ST3GAL1: variants seen among roughly 807,000 people sequenced by gnomAD.
ST3GAL1 encodes CMP-N-acetylneuraminate-beta-galactosamide-alpha-2,3-sialyltransferase 1.
Under a neutral mutation model 34.1 loss-of-function variants are expected in ST3GAL1, and 16 were observed. The ratio of observed to expected loss-of-function variants is 0.47; its 90% CI spans 0.32 to 0.71. ST3GAL1 has a LOEUF of 0.71. Among genes scored for constraint, ST3GAL1 ranks in the 30% least tolerant of loss-of-function variants. The probability of loss-of-function intolerance (pLI) is 0.04; values close to 1 mark genes in which losing one functional copy is unlikely to be tolerated. For missense variants in ST3GAL1, 353 were observed against 447.4 expected, an observed-to-expected ratio of 0.79 and a Z score of 1.90; for synonymous variants, 191 against 184.7, an observed-to-expected ratio of 1.03 and a Z score of -0.28.
intron 1 of ST3GAL1, among the ~76,000 whole-genome samples, chr8:133,558,553 T>A (rs910272138): frequency 2.0e-5 from 3 of 152,196 alleles, no homozygotes; most frequent in Non-Finnish European, 4.4e-5. Flanking sequence ...TGACACTATT[T>A]AAGTGTGCAA....
At chr8:133,462,137 T>C in intron 8 of ST3GAL1, 143 bp from the exon 9 acceptor site, 1 of 1,262,006 alleles carries the variant, frequency 7.9e-7, no homozygotes, top group Non-Finnish European at 1.1e-6. Context: ...GCTTCCATGC[T>C]CGTAGGAAAG....
At chr8:133,563,581 G>A (rs1227336037) in intron 1 of ST3GAL1, among the ~76,000 whole-genome samples, 4 of 151,534 alleles carry the variant, frequency 2.6e-5, no homozygotes, top group Non-Finnish European at 4.4e-5. Context: ...TGTGGCAACC[G>A]TGGCATGGCG....
chr8:133,463,708 A>G (rs543209580), intron 7 of ST3GAL1, among the ~76,000 whole-genome samples: 3 of 152,168 alleles, frequency 2.0e-5, no homozygotes, highest in South Asian at 4.1e-4. Flanking sequence ...CCATTCCCCA[A>G]AAAGGTGAGG....
At chr8:133,476,159 A>T (rs1816169120) in intron 4 of ST3GAL1, 85 bp from the exon 5 acceptor site, 1 of 997,692 alleles carries the variant, frequency 1.0e-6, no homozygotes, top group East Asian at 2.7e-5. Context: ...GGAGGACACA[A>T]GGGCCGCTAA....
intron 5 of ST3GAL1, among the ~76,000 whole-genome samples, chr8:133,470,702 G>C (rs1157571945): frequency 6.6e-6 from 1 of 152,198 alleles, no homozygotes; most frequent in Non-Finnish European, 1.5e-5. Flanking sequence ...AGCAAGGCAG[G>C]AGAAGGAAGG....
rs1306653075 is a variant in ST3GAL1, at chr8:133,570,353, C to A, written c.-582+1340G>T. The stretch of plus-strand genomic sequence containing the variant: ...CAGGGACGCGGCGAGCCAGTCACTG[C>A]CCTCAGGGTCACGGCTGACTCCCTC... On this transcript the variant is annotated intron_variant, in intron 1 of 9. Transcript: ENST00000522652. This position sits in a 1 kb window ranked among gnomAD's most constrained non-coding sequence, Gnocchi z 5.6. The A allele has an allele frequency of 2.0e-5, 3 of 152,294 alleles. No homozygotes were observed. The highest frequency in any genetic ancestry group is 2.9e-5 in the Non-Finnish European group (2 of 68,088). 9.4% of individuals were successfully genotyped at this position (152,294 alleles called of 1,614,324 possible).
chr8:133,484,583 TGA>T (rs1816508763), intron 3 of ST3GAL1, among the ~76,000 whole-genome samples: 1 of 152,318 alleles, frequency 6.6e-6, no homozygotes, highest in African/African-American at 2.4e-5. Context: ...CTCTGGAAGC[TGA>T]GTGTGTGGAA....
At chr8:133,510,691 G>T (rs748842865) in intron 2 of ST3GAL1, among the ~76,000 whole-genome samples, 11 of 152,108 alleles carry the variant, frequency 7.2e-5, no homozygotes, top group Admixed American at 7.2e-4. Context: ...AAAATTTAAA[G>T]CACCGTTCCT....
intron 2 of ST3GAL1, among the ~76,000 whole-genome samples, chr8:133,539,367 G>A (rs540091615): frequency 3.3e-5 from 5 of 152,294 alleles, no homozygotes; most frequent in East Asian, 1.9e-4. Flanking sequence ...AGGCACTCTC[G>A]CTGACACTGC....
chr8:133,514,311 G>C (rs977815037), intron 2 of ST3GAL1, among the ~76,000 whole-genome samples: 2 of 152,266 alleles, frequency 1.3e-5, no homozygotes, highest in Non-Finnish European at 2.9e-5. Flanking sequence ...CTGGCCACAG[G>C]CATTGGGTAC....
rs1299790632 is a variant in ST3GAL1, at chr8:133,541,114, T to TAGAGAGAGAGAGAGAGAG, written c.-429+4659_-429+4660insCTCTCTCTCTCTCTCTCT. On this transcript the variant is annotated intron_variant, in intron 2 of 9. Transcript: ENST00000522652. ...ATATAAACATATATATATATATATA[T>TAGAGAGAGAGAGAGAGAG]ATATATAGAGAGAGAGAGAGAGAGA... Among the ~76,000 whole-genome samples, 49 of 44,058 alleles carry TAGAGAGAGAGAGAGAGAG rather than the reference T, an allele frequency of 1.1e-3. 1 individual carries two copies. The highest frequency in any genetic ancestry group is 1.8e-3 in the Non-Finnish European group (43 of 24,026). The allele number at this position is 44,058 out of a possible 152,430, so 28.9% of individuals were successfully genotyped here.
At chr8:133,462,111 A>C in intron 8 of ST3GAL1, 117 bp from the exon 9 acceptor site, 2 of 1,456,698 alleles carry the variant, frequency 1.4e-6, no homozygotes, top group Non-Finnish European at 1.9e-6. Context: ...CCTAATAGAT[A>C]CGCCTGCACT....
At chr8:133,500,164 G>C (rs1817102053) in intron 2 of ST3GAL1, among the ~76,000 whole-genome samples, 1 of 152,204 alleles carries the variant, frequency 6.6e-6, no homozygotes, top group Non-Finnish European at 1.5e-5. Context: ...TTTTGCTCCT[G>C]TCACCTGTAA....
intron 2 of ST3GAL1, among the ~76,000 whole-genome samples, chr8:133,541,080 G>A (rs62520294): frequency 0.073 from 4,480 of 61,490 alleles, 293 homozygotes; most frequent in Non-Finnish European, 0.098. Context: ...CATATATATA[G>A]ACATATATAT....
chr8:133,536,689 G>A (rs547727418), intron 2 of ST3GAL1, among the ~76,000 whole-genome samples: 93 of 152,270 alleles, frequency 6.1e-4, no homozygotes, highest in African/African-American at 1.9e-3. Context: ...GGAACCACAG[G>A]GATAAATGCA....
At chr8:133,485,527 G>A (rs1277188091) in intron 3 of ST3GAL1, among the ~76,000 whole-genome samples, 1 of 152,144 alleles carries the variant, frequency 6.6e-6, no homozygotes, top group Non-Finnish European at 1.5e-5. Context: ...AAATCCTCAC[G>A]CTTCAAGCTG....
rs1302373866 is a variant in ST3GAL1, at chr8:133,571,887, T to C, written c.-776A>G. ...GTCTTTGCAAAGTGTCGAAACTGTC[T>C]GGCATAGTGGGCTCCGCCGGCGGAG... On this transcript the variant is annotated 5_prime_UTR_variant, in exon 1 of 10. Transcript: ENST00000522652. The surrounding 1 kb of genome is among the most constrained non-coding windows in gnomAD (Gnocchi z 6.7). The C allele has an allele frequency of 6.6e-6, 1 of 152,344 alleles. No homozygotes were observed. Among genetic ancestry groups the C allele is most frequent in the East Asian group, 1.9e-4 (1 of 5,174 alleles). The allele number at this position is 152,344 out of a possible 1,614,324, so 9.4% of individuals were successfully genotyped here.
intron 2 of ST3GAL1, among the ~76,000 whole-genome samples, chr8:133,540,544 C>T: frequency 6.6e-6 from 1 of 151,960 alleles, no homozygotes; most frequent in East Asian, 1.9e-4. Context: ...ATCCTTTGAT[C>T]AACAGCCCCT....
chr8:133,490,157 T>A lies in ST3GAL1; in HGVS notation c.-374+8978A>T, dbSNP rs187457401. 4.5e-3 allele frequency among the ~76,000 whole-genome samples: 681 copies of A among 152,260 alleles called. 8 individuals are homozygous for A. The highest frequency in any genetic ancestry group is 0.024 in the South Asian group (114 of 4,828). On this transcript the variant is annotated intron_variant, in intron 3 of 9. Coordinates refer to ENST00000522652, the MANE Select transcript of ST3GAL1 (RefSeq NM_173344.3). ...GCAGTATTTTAGGGACTAGCTAAAG[T>A]GCAGTTCCAGGTCCTATGAGGGAGG...
Sources: allele counts gnomAD v4.1 joint callset (sites outside exome capture counted in the v4.1 genomes callset), GRCh38; gene constraint gnomAD v4.1.1; non-coding constraint Gnocchi (gnomAD v3.1); transcripts MANE v1.5; gene names NCBI Gene and HGNC (gene_info 2026-07-23, HGNC 2026-07-21).